Variants in ARSG observed in about 807,000 individuals in gnomAD.
ARSG encodes the protein arylsulfatase G.
ARSG carries 37 observed loss-of-function variants against 50.5 expected under a neutral mutation model. That is an observed-to-expected ratio of 0.73 (90% CI 0.56 to 0.96). The LOEUF is 0.96. Ranked by LOEUF, ARSG falls within the 50% of genes least tolerant of loss-of-function variation. The pLI is 0.00. For missense variants in ARSG, 629 were observed against 675.3 expected (o/e 0.93, Z 0.76); for synonymous variants, 225 against 254.6 (o/e 0.88, Z 1.11).
At chr17:68,324,148 A>C (rs920948995) in intron 2 of ARSG, among the ~76,000 whole-genome samples, 1 of 150,528 alleles carries the variant, frequency 6.6e-6, no homozygotes, top group African/African-American at 2.4e-5. Context: ...GACTTTTTTG[A>C]TGCTCCATTT....
downstream of ARSG, chr17:68,421,320 C>T (rs2082754533): frequency 6.3e-6 from 1 of 159,246 alleles, no homozygotes; most frequent in Non-Finnish European, 1.4e-5. Flanking sequence ...CAAAATGGGA[C>T]TCCCAAGTAA....
chr17:68,402,531 T>G (rs1367053311), intron 11 of ARSG, among the ~76,000 whole-genome samples: 1 of 149,668 alleles, frequency 6.7e-6, no homozygotes, highest in African/African-American at 2.5e-5. Context: ...TTTGTTTTTG[T>G]TTTTGTTTTT....
intron 9 of ARSG, among the ~76,000 whole-genome samples, chr17:68,393,073 AGGACTTTCTGAGTGCCAGGTCTTCTT>A (rs1314510976): frequency 6.6e-6 from 1 of 152,156 alleles, no homozygotes; most frequent in African/African-American, 2.4e-5. Flanking sequence ...ACATCCAGTG[AGGACTTTCTGAGTGCCAGGTCTTCTT>A]CTCTGTGCCT....
At chr17:68,436,483 G>A in the ARSG span, 1 of 1,613,440 alleles carries the variant, frequency 6.2e-7, no homozygotes, top group South Asian at 1.1e-5. Flanking sequence ...CATAGACCTG[G>A]CAAAGAAGAA....
intron 6 of ARSG, among the ~76,000 whole-genome samples, chr17:68,360,686 CAG>C (rs1300710255): frequency 6.6e-6 from 1 of 152,184 alleles, no homozygotes; most frequent in Non-Finnish European, 1.5e-5. Context: ...TCCTGGGTCA[CAG>C]AGCTAGCTGG....
At chr17:68,300,201 C>G (rs565669645) in intron 1 of ARSG, among the ~76,000 whole-genome samples, 2 of 152,306 alleles carry the variant, frequency 1.3e-5, no homozygotes, top group Admixed American at 6.5e-5. Flanking sequence ...CTGCCTCAGC[C>G]TCCCAAAGCG....
downstream of ARSG, chr17:68,426,254 G>GGGGGGGGGGGGGCCCCCCCCCCCC: frequency 1.2e-6 from 1 of 816,918 alleles, no homozygotes; most frequent in Non-Finnish European, 1.9e-6. Context: ...GGGAGCGGGG[G>GGGGGGGGGGGGGCCCCCCCCCCCC]CTCAAATAAA....
At chr17:68,295,918 G>T (rs1555758021) in intron 1 of ARSG, among the ~76,000 whole-genome samples, 2 of 151,948 alleles carry the variant, frequency 1.3e-5, no homozygotes, top group Admixed American at 6.6e-5. Flanking sequence ...GGCCTCAGGT[G>T]ATCCACCCAC....
intron 2 of ARSG, among the ~76,000 whole-genome samples, chr17:68,342,490 G>A (rs1420772988): frequency 1.3e-5 from 2 of 151,480 alleles, no homozygotes; most frequent in African/African-American, 4.9e-5. Context: ...AGTAGCTGGG[G>A]TTACAGGCAC....
intron 11 of ARSG, among the ~76,000 whole-genome samples, chr17:68,404,802 G>C (rs1773759519): frequency 6.6e-6 from 1 of 152,144 alleles, no homozygotes. Context: ...TTTAAAAAGA[G>C]TGTTAGTATT....
chr17:68,290,663 G>A (rs561282381), upstream of ARSG, among the ~76,000 whole-genome samples: 1 of 152,216 alleles, frequency 6.6e-6, no homozygotes, highest in Non-Finnish European at 1.5e-5. Flanking sequence ...GCCAGCCTGG[G>A]GTAGGAAGGT....
intron 2 of ARSG, among the ~76,000 whole-genome samples, chr17:68,322,298 C>T (rs529462338): frequency 2.0e-5 from 3 of 152,276 alleles, no homozygotes; most frequent in South Asian, 4.1e-4. Context: ...AACCTACACC[C>T]GGCAAAGGAA....
At chr17:68,311,911 C>T (rs1568452673) in intron 2 of ARSG, among the ~76,000 whole-genome samples, 1 of 151,808 alleles carries the variant, frequency 6.6e-6, no homozygotes, top group Non-Finnish European at 1.5e-5. Context: ...AGCGATTCTC[C>T]AGCCTCAGCC....
intron 11 of ARSG, among the ~76,000 whole-genome samples, chr17:68,413,172 G>A (rs1384703577): frequency 3.3e-5 from 5 of 152,258 alleles, no homozygotes; most frequent in East Asian, 1.9e-4. Flanking sequence ...GAGGAACTGC[G>A]TTCCTTTGGA....
At chr17:68,394,358 T>A (rs1472455544) in intron 9 of ARSG, among the ~76,000 whole-genome samples, 3 of 152,008 alleles carry the variant, frequency 2.0e-5, no homozygotes, top group African/African-American at 7.3e-5. Context: ...TCCCAACACT[T>A]TGGGAGGCTG....
At chr17:68,422,094 T>G, downstream of ARSG, 2 of 413,790 alleles carry the variant, frequency 4.8e-6, no homozygotes, top group Non-Finnish European at 8.9e-6. Flanking sequence ...TTTAAAAGGC[T>G]CATCTTACTT....
chr17:68,352,573 G>A (rs1014515759), intron 5 of ARSG, among the ~76,000 whole-genome samples: 4 of 150,612 alleles, frequency 2.7e-5, no homozygotes, highest in African/African-American at 9.7e-5. Context: ...GCAGTGGCGC[G>A]ATCTCGGCTC....
chr17:68,355,835 T>C (rs933753493), intron 5 of ARSG, among the ~76,000 whole-genome samples: 32 of 152,044 alleles, frequency 2.1e-4, no homozygotes, highest in African/African-American at 7.0e-4. Flanking sequence ...TCTGCAAACA[T>C]GGCTTAAAAT....
intron 8 of ARSG, among the ~76,000 whole-genome samples, chr17:68,380,179 T>TTTCC (rs886514747): frequency 2.6e-5 from 4 of 151,998 alleles, no homozygotes; most frequent in Non-Finnish European, 1.5e-5. Flanking sequence ...CAATTTTCTT[T>TTTCC]TTCCTTCCTT....
Sources: gnomAD v4.1 joint callset for allele counts (sites outside exome capture counted in the v4.1 genomes callset) on GRCh38, gnomAD v4.1.1 for gene constraint, MANE v1.5 for transcripts, NCBI Gene and HGNC (gene_info 2026-07-23, HGNC 2026-07-21) for gene names.